Variants in WWC1 observed in about 807,000 individuals in gnomAD.
WWC1 encodes the protein WW and C2 domain containing 1.
WWC1 carries 55 observed loss-of-function variants against 138.4 expected under a neutral mutation model. The ratio of observed to expected loss-of-function variants is 0.40; its 90% CI spans 0.32 to 0.50. The LOEUF is 0.50. Ranked by LOEUF, WWC1 falls within the 20% of genes least tolerant of loss-of-function variation. The pLI is 0.72. For synonymous variants in WWC1, 524 were observed against 564.9 expected, an observed-to-expected ratio of 0.93 and a Z score of 1.03; for missense variants, 1,226 against 1,420.4, an observed-to-expected ratio of 0.86 and a Z score of 2.20.
At chr5:168,391,760 C>CATAT (rs70976481) in intron 3 of WWC1, among the ~76,000 whole-genome samples, 8,703 of 110,058 alleles carry the variant, frequency 0.079, 420 homozygotes, top group Middle Eastern at 0.11. Flanking sequence ...ATTTTTAAGG[C>CATAT]ATATATATAT....
intron 1 of WWC1, among the ~76,000 whole-genome samples, chr5:168,309,468 T>A (rs1318090783): frequency 6.6e-6 from 1 of 152,254 alleles, no homozygotes; most frequent in Middle Eastern, 3.4e-3. Flanking sequence ...GGAATGTAGA[T>A]CTTCCTCACA....
At chr5:168,383,498 A>G (rs767370811) in intron 2 of WWC1, among the ~76,000 whole-genome samples, 2 of 152,176 alleles carry the variant, frequency 1.3e-5, no homozygotes, top group African/African-American at 2.4e-5. Flanking sequence ...AGGAGGAATG[A>G]GAGCTAAAGG....
At chr5:168,426,628 T>TG (rs1371018231) in intron 11 of WWC1, among the ~76,000 whole-genome samples, 3 of 152,164 alleles carry the variant, frequency 2.0e-5, no homozygotes, top group Non-Finnish European at 4.4e-5. Context: ...TGGAGATGCG[T>TG]GGGTCTGAAA....
chr5:168,389,595 T>A (rs2152822752), intron 3 of WWC1, among the ~76,000 whole-genome samples: 1 of 79,520 alleles, frequency 1.3e-5, no homozygotes, highest in East Asian at 3.2e-4. Flanking sequence ...TATTGAATTT[T>A]TGTTTTTTTT....
intron 9 of WWC1, among the ~76,000 whole-genome samples, chr5:168,420,520 C>T (rs1045607675): frequency 3.3e-5 from 5 of 152,134 alleles, no homozygotes; most frequent in African/African-American, 7.2e-5. Flanking sequence ...AAAAATCAAG[C>T]CAGAACAGAT....
chr5:168,339,956 C>T (rs1355284305), intron 1 of WWC1, among the ~76,000 whole-genome samples: 2,315 of 127,008 alleles, frequency 0.018, 85 homozygotes, highest in African/African-American at 0.062. Context: ...TCCCCCTCTC[C>T]CTCTCTCTCT....
intron 1 of WWC1, among the ~76,000 whole-genome samples, chr5:168,312,722 A>G (rs774307182): frequency 5.3e-5 from 8 of 152,048 alleles, no homozygotes; most frequent in Non-Finnish European, 1.0e-4. Flanking sequence ...GAGCTGGACT[A>G]TCACTTGGTA....
At chr5:168,387,562 ATCT>A (rs1778139437) in intron 3 of WWC1, among the ~76,000 whole-genome samples, 1 of 152,178 alleles carries the variant, frequency 6.6e-6, no homozygotes. Context: ...TTACACATTT[ATCT>A]TCTTACAGTT....
intron 9 of WWC1, among the ~76,000 whole-genome samples, chr5:168,421,354 C>T (rs1411918624): frequency 6.6e-6 from 1 of 152,232 alleles, no homozygotes; most frequent in Non-Finnish European, 1.5e-5. Flanking sequence ...AGTCACTTGA[C>T]TGGAAGAGGC....
At chr5:168,336,883 A>G (rs757625775) in intron 1 of WWC1, among the ~76,000 whole-genome samples, 2 of 152,092 alleles carry the variant, frequency 1.3e-5, no homozygotes, top group Admixed American at 6.5e-5. Flanking sequence ...TTTAGTTCCT[A>G]TTGCATGTGG....
At chr5:168,319,486 G>A (rs1452142208) in intron 1 of WWC1, among the ~76,000 whole-genome samples, 1 of 152,154 alleles carries the variant, frequency 6.6e-6, no homozygotes. Flanking sequence ...ATACCCAGAA[G>A]GAGAATTGCT....
chr5:168,356,603 C>T (rs971578338), intron 1 of WWC1, among the ~76,000 whole-genome samples: 15 of 152,226 alleles, frequency 9.9e-5, no homozygotes, highest in African/African-American at 3.6e-4. Flanking sequence ...CACAAGGATC[C>T]TTTCTACCTT....
intron 2 of WWC1, among the ~76,000 whole-genome samples, chr5:168,375,052 A>G (rs1206072273): frequency 6.6e-6 from 1 of 152,320 alleles, no homozygotes; most frequent in Non-Finnish European, 1.5e-5. Context: ...GTCAAGACTT[A>G]CATGTCTATT....
intron 2 of WWC1, among the ~76,000 whole-genome samples, chr5:168,373,091 T>C (rs1776880548): frequency 6.6e-6 from 1 of 152,148 alleles, no homozygotes; most frequent in Non-Finnish European, 1.5e-5. Flanking sequence ...GAGAAGTAAA[T>C]ATGCCTAATT....
At chr5:168,397,198 G>T (rs1284917294) in intron 3 of WWC1, among the ~76,000 whole-genome samples, 1 of 150,144 alleles carries the variant, frequency 6.7e-6, no homozygotes, top group Admixed American at 6.6e-5. Flanking sequence ...GCTGGAATGT[G>T]ATGGCGCGAT....
chr5:168,431,491 T>C (rs1781940387), intron 15 of WWC1, 47 bp downstream of exon 15: 2 of 1,558,330 alleles, frequency 1.3e-6, no homozygotes, highest in Non-Finnish European at 1.7e-6. Context: ...GCTGGCTGGC[T>C]GGCTGGCTGG....
chr5:168,467,599 A>G (rs1439868887), intron 21 of WWC1: 1 of 493,508 alleles, frequency 2.0e-6, no homozygotes, highest in Non-Finnish European at 3.5e-6. Context: ...TTCAACAGGC[A>G]GCCCTCATCT....
intron 1 of WWC1, among the ~76,000 whole-genome samples, chr5:168,353,153 G>A (rs964230014): frequency 1.3e-5 from 2 of 151,916 alleles, no homozygotes; most frequent in African/African-American, 2.4e-5. Context: ...ACCCCTTTTT[G>A]TGTATTTTGG....
At chr5:168,446,767 A>G (rs547098245) in intron 17 of WWC1, among the ~76,000 whole-genome samples, 1 of 152,370 alleles carries the variant, frequency 6.6e-6, no homozygotes, top group African/African-American at 2.4e-5. Context: ...AATGAAGATC[A>G]GGTGCAAAGC....
Sources: allele counts gnomAD v4.1 joint callset (sites outside exome capture counted in the v4.1 genomes callset), GRCh38; gene constraint gnomAD v4.1.1; transcripts MANE v1.5; gene names NCBI Gene and HGNC (gene_info 2026-07-23, HGNC 2026-07-21).